HEATR4: variants seen among roughly 807,000 people sequenced by gnomAD.
The protein encoded by HEATR4 is HEAT repeat-containing protein 4.
A neutral mutation model predicts 108.8 loss-of-function variants in HEATR4; 95 were observed. That is an observed-to-expected ratio of 0.87 (90% CI 0.74 to 1.04). The LOEUF is 1.04. Among genes scored for constraint, HEATR4 ranks in the 50% least tolerant of loss-of-function variants. The pLI, the probability that HEATR4 is intolerant of heterozygous loss-of-function variation, is 0.00. For synonymous variants in HEATR4, 443 were observed against 459.4 expected (o/e 0.96, Z 0.46); for missense variants, 1,152 against 1,253.8 (o/e 0.92, Z 1.23).
the HEATR4 span, among the ~76,000 whole-genome samples, chr14:73,583,844 AC>A: frequency 1.3e-5 from 2 of 151,998 alleles, no homozygotes; most frequent in Admixed American, 6.6e-5. Context: ...TACTAAAAAT[AC>A]AAAAATTAGC....
the HEATR4 span, among the ~76,000 whole-genome samples, chr14:73,617,616 A>G: frequency 1.3e-5 from 2 of 152,164 alleles, no homozygotes; most frequent in African/African-American, 4.8e-5. Flanking sequence ...TGGCCTTATG[A>G]TTCTGAATAA....
chr14:73,487,658 G>T (rs551776237), intron 17 of HEATR4, among the ~76,000 whole-genome samples: 1 of 152,268 alleles, frequency 6.6e-6, no homozygotes, highest in East Asian at 1.9e-4. Context: ...TGCAAGACGG[G>T]ATAGAAAAAG....
At chr14:73,533,800 C>A (rs185995818) in intron 1 of HEATR4, among the ~76,000 whole-genome samples, 1 of 105,168 alleles carries the variant, frequency 9.5e-6, no homozygotes, top group Non-Finnish European at 2.0e-5. Context: ...GTAATTCTAG[C>A]GCTTTGAGAG....
chr14:73,598,567 C>CACT, the HEATR4 span, among the ~76,000 whole-genome samples: 2 of 151,448 alleles, frequency 1.3e-5, no homozygotes, highest in East Asian at 3.9e-4. Context: ...GAGCTTGAGC[C>CACT]ACTATGTAAG....
chr14:73,505,513 C>T (rs1438666999), intron 10 of HEATR4, among the ~76,000 whole-genome samples: 1 of 152,026 alleles, frequency 6.6e-6, no homozygotes, highest in Non-Finnish European at 1.5e-5. Context: ...TCTTGTGCCT[C>T]AGCCTTCCAA....
At chr14:73,568,455 A>G in the HEATR4 span, among the ~76,000 whole-genome samples, 7 of 151,840 alleles carry the variant, frequency 4.6e-5, no homozygotes. Flanking sequence ...GGTATTTGAG[A>G]GGCTGAGTCA....
chr14:73,595,063 CA>C, the HEATR4 span: 1 of 1,613,654 alleles, frequency 6.2e-7, no homozygotes, highest in Non-Finnish European at 8.5e-7. Flanking sequence ...AAGGCCCAGG[CA>C]TTGGGCTTTT....
chr14:73,506,217 G>C (rs1886814182), intron 10 of HEATR4, among the ~76,000 whole-genome samples: 1 of 152,078 alleles, frequency 6.6e-6, no homozygotes, highest in Non-Finnish European at 1.5e-5. Flanking sequence ...ACTCCTGTCA[G>C]TTTTTGTGCT....
chr14:73,581,102 C>T, the HEATR4 span: 1 of 150,712 alleles, frequency 6.6e-6, no homozygotes, highest in Admixed American at 6.7e-5. Context: ...CCAGGTAATT[C>T]CAGGTAATTA....
At chr14:73,632,469 C>T in the HEATR4 span, among the ~76,000 whole-genome samples, 2 of 152,082 alleles carry the variant, frequency 1.3e-5, no homozygotes, top group South Asian at 4.2e-4. Flanking sequence ...ATACAAAATA[C>T]AATATTCATA....
intron 10 of HEATR4, among the ~76,000 whole-genome samples, chr14:73,505,744 A>T (rs899642147): frequency 6.6e-6 from 1 of 151,596 alleles, no homozygotes; most frequent in Non-Finnish European, 1.5e-5. Context: ...CAGCACAGAC[A>T]CTCATTTAGA....
the HEATR4 span, among the ~76,000 whole-genome samples, chr14:73,626,519 C>A: frequency 2.0e-5 from 3 of 152,028 alleles, no homozygotes; most frequent in Non-Finnish European, 4.4e-5. Flanking sequence ...GGAAAGAAGC[C>A]ATCTCCATAA....
intron 4 of HEATR4, 38 bp downstream of exon 4, chr14:73,520,814 C>T: frequency 6.4e-7 from 1 of 1,569,234 alleles, no homozygotes; most frequent in East Asian, 2.2e-5. Flanking sequence ...TGGCCCATGT[C>T]CCCGTGTGCC....
chr14:73,632,164 G>A, the HEATR4 span: 1 of 151,818 alleles, frequency 6.6e-6, no homozygotes, highest in Non-Finnish European at 1.5e-5. Context: ...TGTAGAGATG[G>A]GGGTCTCGTT....
intron 2 of HEATR4, among the ~76,000 whole-genome samples, chr14:73,528,392 C>CAAAAAAAAAAAAAAAAAAAAAAA (rs371875141): frequency 1.1e-5 from 1 of 88,518 alleles, no homozygotes; most frequent in Non-Finnish European, 2.0e-5. Flanking sequence ...AACTTCATCT[C>CAAAAAAAAAAAAAAAAAAAAAAA]AAAAAAAAAA....
chr14:73,595,903 T>G, the HEATR4 span: 1 of 351,388 alleles, frequency 2.8e-6, no homozygotes, highest in Non-Finnish European at 5.0e-6. Context: ...TTGTGTTTCC[T>G]TCTAGATTTT....
In HEATR4 at chr14:73,524,310, A is replaced by AAAAATATATATATATAT; in HGVS notation, c.-72-1087_-72-1086insATATATATATATATTTT. Among the ~76,000 whole-genome samples, 7 of 54,776 alleles carry AAAAATATATATATATAT rather than the reference A, an allele frequency of 1.3e-4. 1 individual carries two copies. Among genetic ancestry groups the AAAAATATATATATATAT allele is most frequent in the African/African-American group, 5.3e-4 (6 of 11,342 alleles). The allele number at this position is 54,776 out of a possible 152,430, so 35.9% of individuals were successfully genotyped here. On this transcript the variant is annotated intron_variant, in intron 2 of 17. Coordinates refer to ENST00000553558, the MANE Select transcript of HEATR4 (RefSeq NM_001220484.1). ...CTCCGTCTCAAAAAAAAAAAAAAAA[A>AAAAATATATATATATAT]ATATATATATATATATATATATATA...
chr14:73,497,713 A>G (rs968506462), intron 14 of HEATR4, among the ~76,000 whole-genome samples: 7 of 151,758 alleles, frequency 4.6e-5, no homozygotes, highest in African/African-American at 1.7e-4. Flanking sequence ...CGCAACCTCC[A>G]CTTCCCAGGT....
chr14:73,500,600 G>A lies in HEATR4; in HGVS notation c.2236C>T (p.Arg746Trp), dbSNP rs768238517. ...CCAGCTGCCAAACAGGCTGCCCGCC[G>A]AACTGCTGTGAAGTCATCAGAGAAG... ...HCFSDDFTAV[R>W]RAACLAAGAL... The change falls in exon 12 of 18, where the codon CGG becomes TGG. Residue 746 changes from arginine to tryptophan, a missense_variant. By Grantham distance (101) the Arg-to-Trp change is moderately radical. Coordinates refer to ENST00000553558, the MANE Select transcript of HEATR4 (RefSeq NM_001220484.1). 8.1e-6 allele frequency: 13 copies of A among 1,613,900 alleles called. No individual in the cohort carries two copies. Among genetic ancestry groups the A allele is most frequent in the South Asian group, 2.2e-5 (2 of 91,070 alleles).
Sources: gnomAD v4.1 joint callset for allele counts (sites outside exome capture counted in the v4.1 genomes callset) on GRCh38, gnomAD v4.1.1 for gene constraint, MANE v1.5 for transcripts, NCBI Gene and HGNC (gene_info 2026-07-23, HGNC 2026-07-21) for gene names.